The following SCHIP1 variants were observed in gnomAD, a reference collection of about 807,000 sequenced individuals.
SCHIP1 encodes schwannomin interacting protein 1.
In SCHIP1, 8 loss-of-function variants were observed where a neutral mutation model predicts 29.7. The ratio of observed to expected loss-of-function variants is 0.27; its 90% CI spans 0.16 to 0.49. The LOEUF (loss-of-function observed/expected upper bound fraction) is 0.49. Among genes scored for constraint, SCHIP1 ranks in the 20% least tolerant of loss-of-function variants. SCHIP1 has a pLI of 0.99. For missense variants in SCHIP1, 193 were observed against 294.6 expected (o/e 0.66, Z 2.52); for synonymous variants, 76 against 94.9 (o/e 0.80, Z 1.16).
the SCHIP1 span, among the ~76,000 whole-genome samples, chr3:159,412,278 G>A: frequency 6.6e-6 from 1 of 152,256 alleles, no homozygotes; most frequent in African/African-American, 2.4e-5. Context: ...ATTAGTTAAT[G>A]TCTACCACAG....
At chr3:159,728,555 T>C in the SCHIP1 span, among the ~76,000 whole-genome samples, 68 of 152,316 alleles carry the variant, frequency 4.5e-4, no homozygotes, top group South Asian at 0.014. Flanking sequence ...GAAGAATCTG[T>C]CTCACATTGG....
chr3:159,744,913 C>T, the SCHIP1 span, among the ~76,000 whole-genome samples: 2 of 151,938 alleles, frequency 1.3e-5, no homozygotes, highest in East Asian at 1.9e-4. Context: ...TGAACCCAGG[C>T]GGAGCTTGCA....
the SCHIP1 span, among the ~76,000 whole-genome samples, chr3:159,458,748 G>T: frequency 3.3e-5 from 5 of 152,114 alleles, no homozygotes; most frequent in Admixed American, 3.3e-4. Flanking sequence ...CACAATAAAT[G>T]ATGGGGAAAT....
chr3:159,706,390 G>A, the SCHIP1 span, among the ~76,000 whole-genome samples: 14 of 152,248 alleles, frequency 9.2e-5, no homozygotes, highest in African/African-American at 3.1e-4. Context: ...CAGGTACTTA[G>A]GAAACACTGG....
At chr3:159,330,997 A>C in the SCHIP1 span, among the ~76,000 whole-genome samples, 101 of 152,126 alleles carry the variant, frequency 6.6e-4, no homozygotes, top group Non-Finnish European at 8.2e-4. Context: ...CTTCCAATAC[A>C]TAGATTCAAT....
chr3:159,780,433 C>G, the SCHIP1 span, among the ~76,000 whole-genome samples: 1 of 152,158 alleles, frequency 6.6e-6, no homozygotes, highest in Non-Finnish European at 1.5e-5. Context: ...TGACTTAGGA[C>G]TCAAGTTCAA....
the SCHIP1 span, among the ~76,000 whole-genome samples, chr3:159,284,610 T>C: frequency 0.071 from 10,774 of 152,212 alleles, 1,271 homozygotes; most frequent in African/African-American, 0.25. Flanking sequence ...TGCCTCAGCC[T>C]TCTGAGTAGC....
At chr3:159,546,189 T>C in the SCHIP1 span, among the ~76,000 whole-genome samples, 2 of 152,154 alleles carry the variant, frequency 1.3e-5, no homozygotes, top group Admixed American at 1.3e-4. Context: ...TAGTTTTATT[T>C]CTTCCTTGCC....
chr3:159,380,176 A>C, the SCHIP1 span, among the ~76,000 whole-genome samples: 1 of 152,064 alleles, frequency 6.6e-6, no homozygotes, highest in African/African-American at 2.4e-5. Context: ...TTCATTGAAA[A>C]AACTTGACTT....
At chr3:159,804,468 A>T in the SCHIP1 span, among the ~76,000 whole-genome samples, 2 of 152,268 alleles carry the variant, frequency 1.3e-5, no homozygotes, top group East Asian at 3.8e-4. Flanking sequence ...ACTGGAAAAG[A>T]GGCAGGCCAT....
chr3:159,548,284 G>T, the SCHIP1 span, among the ~76,000 whole-genome samples: 17 of 151,976 alleles, frequency 1.1e-4, no homozygotes, highest in African/African-American at 3.4e-4. Flanking sequence ...ATAGTAGTTA[G>T]AATTTTATGT....
chr3:159,534,037 A>T, the SCHIP1 span, among the ~76,000 whole-genome samples: 1 of 152,188 alleles, frequency 6.6e-6, no homozygotes, highest in African/African-American at 2.4e-5. Context: ...TTCTTTGCAG[A>T]TCACAGTCAA....
the SCHIP1 span, chr3:159,764,149 G>C: frequency 2.7e-6 from 1 of 373,744 alleles, no homozygotes; most frequent in Non-Finnish European, 4.8e-6. This position sits in a 1 kb window ranked among gnomAD's most constrained non-coding sequence, Gnocchi z 6.1. Context: ...TTAATACAAA[G>C]TCTGCGCGCG....
chr3:159,603,744 C>A, the SCHIP1 span, among the ~76,000 whole-genome samples: 10 of 152,034 alleles, frequency 6.6e-5, no homozygotes, highest in African/African-American at 2.4e-4. Context: ...TAACTGAATA[C>A]CTAGGATTGG....
At chr3:159,770,155 G>A in the SCHIP1 span, among the ~76,000 whole-genome samples, 1 of 152,226 alleles carries the variant, frequency 6.6e-6, no homozygotes, top group Non-Finnish European at 1.5e-5. Context: ...TTGCTGAGTA[G>A]TGTTCCATTT....
the SCHIP1 span, among the ~76,000 whole-genome samples, chr3:159,713,802 C>T: frequency 6.6e-6 from 1 of 152,208 alleles, no homozygotes; most frequent in African/African-American, 2.4e-5. Flanking sequence ...ATGGATAGCT[C>T]ATATTCAGCT....
chr3:159,780,549 T>C, the SCHIP1 span, among the ~76,000 whole-genome samples: 1 of 152,344 alleles, frequency 6.6e-6, no homozygotes, highest in Non-Finnish European at 1.5e-5. Context: ...CAAACCCCTA[T>C]ACTTTCCTCC....
At chr3:159,720,471 A>C in the SCHIP1 span, among the ~76,000 whole-genome samples, 1 of 152,174 alleles carries the variant, frequency 6.6e-6, no homozygotes, top group East Asian at 1.9e-4. Context: ...AGGAGCTATA[A>C]TTTATTATAT....
the SCHIP1 span, among the ~76,000 whole-genome samples, chr3:159,698,344 T>G: frequency 6.6e-6 from 1 of 152,246 alleles, no homozygotes; most frequent in South Asian, 2.1e-4. Context: ...TGAATAAATT[T>G]TTGTTGATTC....
Sources: gnomAD v4.1 joint callset for allele counts (sites outside exome capture counted in the v4.1 genomes callset) on GRCh38, gnomAD v4.1.1 for gene constraint, Gnocchi (gnomAD v3.1) non-coding constraint, MANE v1.5 for transcripts, NCBI Gene and HGNC (gene_info 2026-07-23, HGNC 2026-07-21) for gene names.